Variants in RAP2A observed in about 807,000 individuals in gnomAD.
RAP2A encodes the protein ras-related protein Rap-2a.
In RAP2A, 5 loss-of-function variants were observed where a neutral mutation model predicts 15.1. The observed-to-expected ratio is 0.33, with a 90% confidence interval of 0.17 to 0.70. RAP2A has a LOEUF of 0.70. Ranked by LOEUF, RAP2A falls within the 30% of genes least tolerant of loss-of-function variation. RAP2A has a pLI of 0.68. For synonymous variants in RAP2A, 110 were observed against 99.7 expected (o/e 1.10, Z -0.62); for missense variants, 111 against 240.3 (o/e 0.46, Z 3.56).
rs1285114531 is a variant in RAP2A at position 97,466,257 on chromosome 13, A to G, written c.*1815A>G. The G allele has an allele frequency of 6.6e-6, 1 of 152,130 alleles. No individual in the cohort carries two copies. Among genetic ancestry groups the G allele is most frequent in the Non-Finnish European group, 1.5e-5 (1 of 68,020 alleles). The allele number at this position is 152,130 out of a possible 1,614,324, so 9.4% of individuals were successfully genotyped here. On this transcript the variant is annotated 3_prime_UTR_variant, in exon 2 of 2. Transcript: ENST00000245304. ...GTATTTTTCATAATGAAAAAACTGA[A>G]GAGATACGTGAATGAAACCAGGCCA...
chr13:97,442,428 G>A (rs576181110), intron 1 of RAP2A, among the ~76,000 whole-genome samples: 2 of 151,954 alleles, frequency 1.3e-5, no homozygotes, highest in South Asian at 4.2e-4. Context: ...GCCAAATATT[G>A]GAAAAAATTA....
In RAP2A at chr13:97,464,501, C is replaced by T. The variant is rs74412215; in HGVS notation, c.*59C>T. 1,617 of 1,493,462 alleles carry T rather than the reference C, an allele frequency of 1.1e-3. 12 individuals are homozygous for T. In the African/African-American group the frequency reaches 0.02, roughly 18 times the overall value. 92.5% of individuals were successfully genotyped at this position (1,493,462 alleles called of 1,614,324 possible). ...CCAATGTCGTAGGTGATAGAAAACT[C>T]GCCTACTCCACTGCAGAACTTGCAG... is the stretch of plus-strand genomic sequence containing the variant. On this transcript the variant is annotated 3_prime_UTR_variant, in exon 2 of 2. Coordinates refer to ENST00000245304, the MANE Select transcript of RAP2A (RefSeq NM_021033.7).
chr13:97,438,369 C>T (rs1473447145), intron 1 of RAP2A, among the ~76,000 whole-genome samples: 1 of 152,120 alleles, frequency 6.6e-6, no homozygotes, highest in Non-Finnish European at 1.5e-5. Flanking sequence ...ACCTTAAGTC[C>T]TTGAAAGTAC....
intron 1 of RAP2A, among the ~76,000 whole-genome samples, chr13:97,463,254 A>G (rs1365371369): frequency 6.6e-6 from 1 of 152,226 alleles, no homozygotes; most frequent in Non-Finnish European, 1.5e-5. Context: ...ACCAGTGTTG[A>G]CATCTGTTGT....
intron 1 of RAP2A, among the ~76,000 whole-genome samples, chr13:97,457,259 T>TAC (rs1250990535): frequency 6.6e-6 from 1 of 151,464 alleles, no homozygotes; most frequent in Admixed American, 6.6e-5. Flanking sequence ...TATATATATA[T>TAC]ACATATATAT....
intron 1 of RAP2A, among the ~76,000 whole-genome samples, chr13:97,440,062 G>A (rs1376300819): frequency 6.6e-6 from 1 of 152,142 alleles, no homozygotes; most frequent in East Asian, 1.9e-4. Context: ...GCCCATGACA[G>A]TTTGGTGCTG....
intron 1 of RAP2A, among the ~76,000 whole-genome samples, chr13:97,461,570 A>C (rs1226191259): frequency 6.6e-6 from 1 of 152,234 alleles, no homozygotes; most frequent in Non-Finnish European, 1.5e-5. Flanking sequence ...ATAATGTATC[A>C]ATACAACTTA....
In RAP2A at chr13:97,434,659, G is replaced by A; in HGVS notation, c.189G>A (p.Gln63=). The part of the protein sequence containing the change: ...LEILDTAGTE[Q]FASMRDLYIK... ...TCCTGGACACGGCGGGCACCGAGCA[G>A]TTCGCGTCCATGCGGGACCTGTACA... The change falls in exon 1 of 2, where the codon CAG becomes CAA. Residue 63 remains glutamine (Q), a synonymous_variant. Transcript: ENST00000245304. The A allele has an allele frequency of 2.5e-6, 4 of 1,614,178 alleles. No homozygotes were observed. Among genetic ancestry groups the A allele is most frequent in the Non-Finnish European group, 3.4e-6 (4 of 1,180,008 alleles).
chr13:97,456,309 T>C (rs564763978), intron 1 of RAP2A, among the ~76,000 whole-genome samples: 45 of 152,108 alleles, frequency 3.0e-4, no homozygotes, highest in South Asian at 1.4e-3. Flanking sequence ...CTCACTTGCA[T>C]GTAGGTCTCT....
chr13:97,445,764 C>T (rs2066677024), intron 1 of RAP2A, among the ~76,000 whole-genome samples: 1 of 152,134 alleles, frequency 6.6e-6, no homozygotes, highest in Admixed American at 6.5e-5. Flanking sequence ...CAGCATTTGT[C>T]CTGAGAGAGG....
At chr13:97,446,763 C>T (rs752876785) in intron 1 of RAP2A, among the ~76,000 whole-genome samples, 5 of 152,170 alleles carry the variant, frequency 3.3e-5, no homozygotes, top group Admixed American at 6.5e-5. Flanking sequence ...TTCCTACCAA[C>T]GTGCCAGGCC....
chr13:97,450,517 TA>T (rs1009273979), intron 1 of RAP2A, among the ~76,000 whole-genome samples: 2 of 152,172 alleles, frequency 1.3e-5, no homozygotes, highest in Non-Finnish European at 2.9e-5. Flanking sequence ...TTAAATTATG[TA>T]AAAAAGCATG....
rs142680454 is a variant in RAP2A at position 97,434,469 on chromosome 13, C to T, written c.-2C>T. The T allele has an allele frequency of 2.5e-6, 4 of 1,592,698 alleles. No homozygotes were observed. The highest frequency in any genetic ancestry group is 2.2e-5 in the South Asian group (2 of 88,930). ...GGCGGCGGCGGCGGCCGCGGAGGGA[C>T]GATGCGCGAGTACAAAGTGGTGGTG... On this transcript the variant is annotated 5_prime_UTR_variant, in exon 1 of 2. It adds an upstream start codon to the 5' untranslated region. Transcript: ENST00000245304.
rs1326612169 is a variant in RAP2A, at chr13:97,452,842, G to T, written c.315-11363G>T. On this transcript the variant is annotated intron_variant, in intron 1 of 1. Coordinates refer to ENST00000245304, the MANE Select transcript of RAP2A (RefSeq NM_021033.7). ...TAAGCATTGGTTTGTAATTCTTGTT[G>T]TGAAGGTCTTTTACATCTTTAACTA... is the stretch of plus-strand genomic sequence containing the variant. Among the ~76,000 whole-genome samples the T allele has an allele frequency of 2.6e-5, 4 of 151,336 alleles. No individual in the cohort carries two copies. The East Asian group carries it at 5.8e-4, about 22-fold the overall frequency.
At chr13:97,442,288 A>G (rs886222438) in intron 1 of RAP2A, among the ~76,000 whole-genome samples, 3 of 152,150 alleles carry the variant, frequency 2.0e-5, no homozygotes, top group East Asian at 3.8e-4. Flanking sequence ...GCATAATTGT[A>G]TAGATGGGGA....
intron 1 of RAP2A, among the ~76,000 whole-genome samples, chr13:97,452,779 T>A (rs193184273): frequency 6.6e-6 from 1 of 151,576 alleles, no homozygotes; most frequent in East Asian, 1.9e-4. Context: ...GTAAATGTTA[T>A]ATATCTTTCA....
At chr13:97,461,828 T>TGGTG (rs1484928024) in intron 1 of RAP2A, among the ~76,000 whole-genome samples, 3 of 151,068 alleles carry the variant, frequency 2.0e-5, no homozygotes, top group Non-Finnish European at 3.0e-5. Context: ...TCGGGCGTGG[T>TGGTG]GGTGGGCGCC....
rs996583328 is a variant in RAP2A, at chr13:97,464,731, G to A, written c.*289G>A. 41 of 365,868 alleles carry A rather than the reference G, an allele frequency of 1.1e-4. No individual in the cohort carries two copies. Among genetic ancestry groups the A allele is most frequent in the South Asian group, 5.1e-4 (8 of 15,714 alleles). The allele number at this position is 365,868 out of a possible 1,614,324, so 22.7% of individuals were successfully genotyped here. On this transcript the variant is annotated 3_prime_UTR_variant, in exon 2 of 2. Transcript: ENST00000245304. ...ATTTGAAAGCTATGATGGCATTGTC[G>A]CTGAGTTGACAGAAGCAACTATTGT...
At chr13:97,454,325 G>T (rs1594326229) in intron 1 of RAP2A, among the ~76,000 whole-genome samples, 1 of 150,722 alleles carries the variant, frequency 6.6e-6, no homozygotes, top group East Asian at 1.9e-4. Flanking sequence ...TTGCTAATAT[G>T]CTTCAATTAG....
Sources: allele counts gnomAD v4.1 joint callset (sites outside exome capture counted in the v4.1 genomes callset), GRCh38; gene constraint gnomAD v4.1.1; transcripts MANE v1.5; gene names NCBI Gene and HGNC (gene_info 2026-07-23, HGNC 2026-07-21).